LRCH1: variants seen among roughly 807,000 people sequenced by gnomAD.
LRCH1 encodes the protein leucine rich repeats and calponin homology domain containing 1.
LRCH1 carries 23 observed loss-of-function variants against 94.9 expected under a neutral mutation model. The ratio of observed to expected loss-of-function variants is 0.24; its 90% CI spans 0.17 to 0.34. The LOEUF (loss-of-function observed/expected upper bound fraction) is 0.34. Among genes scored for constraint, LRCH1 ranks in the 10% least tolerant of loss-of-function variants. LRCH1 has a pLI of 1.00. For missense variants in LRCH1, 790 were observed against 945.9 expected, an observed-to-expected ratio of 0.84 and a Z score of 2.16; for synonymous variants, 364 against 354.9, an observed-to-expected ratio of 1.03 and a Z score of -0.29.
chr13:46,681,287 T>C (rs911696489), intron 3 of LRCH1, among the ~76,000 whole-genome samples: 1 of 152,220 alleles, frequency 6.6e-6, no homozygotes, highest in Non-Finnish European at 1.5e-5. Context: ...TGTAGTCTTG[T>C]TTAGAGGCAC....
chr13:46,672,498 C>T (rs1213789275), intron 3 of LRCH1, among the ~76,000 whole-genome samples: 1 of 152,142 alleles, frequency 6.6e-6, no homozygotes, highest in African/African-American at 2.4e-5. Context: ...GCTGTGTCAA[C>T]CAGCTCATCT....
At chr13:46,575,907 A>G (rs2137929767) in intron 1 of LRCH1, among the ~76,000 whole-genome samples, 1 of 152,296 alleles carries the variant, frequency 6.6e-6, no homozygotes, top group Admixed American at 6.5e-5. Context: ...AGAGGGAGAG[A>G]GAATGAGCTT....
chr13:46,627,409 TAG>T (rs1242869046), intron 1 of LRCH1, among the ~76,000 whole-genome samples: 2 of 152,136 alleles, frequency 1.3e-5, no homozygotes, highest in Non-Finnish European at 2.9e-5. Context: ...TAGAGTATCA[TAG>T]AGTTTTAAAT....
chr13:46,641,994 G>A (rs1010589416), intron 1 of LRCH1, among the ~76,000 whole-genome samples: 1 of 152,212 alleles, frequency 6.6e-6, no homozygotes, highest in Non-Finnish European at 1.5e-5. Context: ...GTTCCGGTTT[G>A]CTGCCTAGGT....
intron 19 of LRCH1, 97 bp from the exon 20 acceptor site, chr13:46,741,545 A>T: frequency 6.7e-7 from 1 of 1,491,430 alleles, no homozygotes; most frequent in Non-Finnish European, 9.3e-7. Flanking sequence ...GCCATTTGCT[A>T]GTAACCAAAA....
chr13:46,570,318 G>T (rs2050228020), intron 1 of LRCH1, among the ~76,000 whole-genome samples: 1 of 152,176 alleles, frequency 6.6e-6, no homozygotes, highest in Non-Finnish European at 1.5e-5. Context: ...AACTGACATT[G>T]ACTGTGCCTT....
At chr13:46,683,948 T>A (rs1870467969) in intron 4 of LRCH1, among the ~76,000 whole-genome samples, 1 of 152,082 alleles carries the variant, frequency 6.6e-6, no homozygotes, top group African/African-American at 2.4e-5. Flanking sequence ...TTTCAGTCAG[T>A]GACTGTAAAG....
At chr13:46,610,687 T>C (rs1006488266) in intron 1 of LRCH1, among the ~76,000 whole-genome samples, 3 of 152,230 alleles carry the variant, frequency 2.0e-5, no homozygotes, top group Admixed American at 6.5e-5. Context: ...TATTCCATTA[T>C]CTATCTCTGT....
chr13:46,682,572 CCTGT>C (rs1870376817), intron 4 of LRCH1, among the ~76,000 whole-genome samples: 1 of 152,114 alleles, frequency 6.6e-6, no homozygotes, highest in African/African-American at 2.4e-5. Context: ...TTCTACAGAT[CCTGT>C]CTGTCAGGAT....
intron 1 of LRCH1, among the ~76,000 whole-genome samples, chr13:46,560,590 C>T (rs912431): frequency 0.48 from 72,990 of 152,002 alleles, 19,517 homozygotes; most frequent in Middle Eastern, 0.59. Flanking sequence ...ACTATTTTTC[C>T]ATAGTGAATA....
At position 46,743,930 on chromosome 13, in the gene LRCH1, T is replaced by C. The variant is rs572855599; in HGVS notation, c.*2082T>C. On this transcript the variant is annotated 3_prime_UTR_variant, in exon 20 of 20. Transcript: ENST00000389797. ...TTCTTTGGACGCACTTTGATTTTTT[T>C]TGTGTCATTAATTTGTCTGTACTCT... is the stretch of plus-strand genomic sequence containing the variant. 3.0e-6 allele frequency: 3 copies of C among 985,454 alleles called. No individual in the cohort carries two copies. The Admixed American group carries it at 1.8e-4, about 60-fold the overall frequency. 61.0% of individuals were successfully genotyped at this position (985,454 alleles called of 1,614,324 possible).
intron 16 of LRCH1, among the ~76,000 whole-genome samples, chr13:46,723,003 A>G (rs1177341200): frequency 6.6e-6 from 1 of 152,218 alleles, no homozygotes; most frequent in East Asian, 1.9e-4. Context: ...TATCACTGAA[A>G]AATACAGCTT....
chr13:46,703,914 A>C (rs1593364431), intron 11 of LRCH1, among the ~76,000 whole-genome samples: 1 of 148,742 alleles, frequency 6.7e-6, no homozygotes, highest in Admixed American at 7.0e-5. Context: ...AATATATTAA[A>C]ATGGAAGGAA....
At chr13:46,702,728 T>G (rs781094600) in intron 11 of LRCH1, among the ~76,000 whole-genome samples, 9 of 152,130 alleles carry the variant, frequency 5.9e-5, no homozygotes, top group Admixed American at 6.5e-5. Context: ...GGTAAAGGCA[T>G]GAAGGTCAGA....
chr13:46,576,194 G>A (rs2050302597), intron 1 of LRCH1, among the ~76,000 whole-genome samples: 1 of 152,190 alleles, frequency 6.6e-6, no homozygotes. Context: ...TTATGGGGCA[G>A]TCTCCTAAGC....
intron 1 of LRCH1, among the ~76,000 whole-genome samples, chr13:46,641,784 A>G (rs547607338): frequency 2.1e-4 from 32 of 152,258 alleles, no homozygotes; most frequent in Admixed American, 1.6e-3. Flanking sequence ...CGTGCTTCCA[A>G]TCGTGCTGAC....
intron 16 of LRCH1, among the ~76,000 whole-genome samples, chr13:46,720,857 T>G (rs968008515): frequency 2.0e-5 from 3 of 152,226 alleles, no homozygotes; most frequent in African/African-American, 7.2e-5. Context: ...AGAGATTGCC[T>G]TAAGTTCTCT....
chr13:46,667,534 G>A (rs1188507822), intron 2 of LRCH1, among the ~76,000 whole-genome samples: 2 of 77,766 alleles, frequency 2.6e-5, no homozygotes, highest in Non-Finnish European at 6.2e-5. Flanking sequence ...CGTGGGGTGG[G>A]GGGAGGGGGG....
intron 18 of LRCH1, among the ~76,000 whole-genome samples, chr13:46,730,554 T>C (rs1261169879): frequency 1.3e-5 from 2 of 152,214 alleles, no homozygotes; most frequent in Non-Finnish European, 2.9e-5. Flanking sequence ...TAGTTTCTTA[T>C]CTATCATATT....
Sources: gnomAD v4.1 joint callset for allele counts (sites outside exome capture counted in the v4.1 genomes callset) on GRCh38, gnomAD v4.1.1 for gene constraint, MANE v1.5 for transcripts, NCBI Gene and HGNC (gene_info 2026-07-23, HGNC 2026-07-21) for gene names.